The following CYP7B1 variants were observed in gnomAD, a reference collection of about 807,000 sequenced individuals.
CYP7B1 encodes cytochrome P450 7B1.
A neutral mutation model predicts 42.7 loss-of-function variants in CYP7B1; 29 were observed. The observed-to-expected ratio is 0.68, with a 90% CI of 0.51 to 0.93. The LOEUF (loss-of-function observed/expected upper bound fraction) is 0.93. CYP7B1 is among the 40% of genes least tolerant of loss of function. The pLI, the probability that CYP7B1 is intolerant of heterozygous loss-of-function variation, is 0.00. For missense variants in CYP7B1, 655 were observed against 600.5 expected, an observed-to-expected ratio of 1.09 and a Z score of -0.95; for synonymous variants, 235 against 218.2, an observed-to-expected ratio of 1.08 and a Z score of -0.68.
intron 2 of CYP7B1, among the ~76,000 whole-genome samples, chr8:64,623,705 A>G (rs935811611): frequency 1.3e-5 from 2 of 152,170 alleles, no homozygotes; most frequent in African/African-American, 4.8e-5. Context: ...CTGAAGTGCA[A>G]TGAAAGTTTT....
rs535598865 is a variant in CYP7B1, at chr8:64,592,688, T to C, written c.*3954A>G. Among the ~76,000 whole-genome samples, 7 of 152,368 alleles carry C rather than the reference T, an allele frequency of 4.6e-5. No homozygotes were observed. The highest frequency in any genetic ancestry group is 1.7e-4 in the African/African-American group (7 of 41,598). On this transcript the variant is annotated 3_prime_UTR_variant, in exon 6 of 6. Transcript: ENST00000310193. Reference sequence around the variant, plus strand: ...TGAAGTATCTTCATTAAACTTTGCATTGGTATATTGCATTATACCATAAAT... The same window carrying C: ...TGAAGTATCTTCATTAAACTTTGCACTGGTATATTGCATTATACCATAAAT...
At chr8:64,689,927 A>G (rs1165852837) in intron 1 of CYP7B1, among the ~76,000 whole-genome samples, 1 of 152,202 alleles carries the variant, frequency 6.6e-6, no homozygotes, top group Non-Finnish European at 1.5e-5. Flanking sequence ...AATTACAGCT[A>G]TGTAATTACT....
intron 1 of CYP7B1, among the ~76,000 whole-genome samples, chr8:64,746,357 C>T (rs1255031112): frequency 6.6e-6 from 1 of 152,116 alleles, no homozygotes; most frequent in Non-Finnish European, 1.5e-5. Context: ...TGTTTTACCA[C>T]AAGAAAAATC....
rs1347468747 is a variant in CYP7B1, at chr8:64,594,800, T to A, written c.*1842A>T. The stretch of plus-strand genomic sequence containing the variant: ...TGTAAGTTAGAGATACAAAGTGTGG[T>A]GAGAAAAGATCAAAGGATGTATGTA... On this transcript the variant is annotated 3_prime_UTR_variant, in exon 6 of 6. Transcript: ENST00000310193. Among the ~76,000 whole-genome samples the A allele has an allele frequency of 6.6e-6, 1 of 152,084 alleles. No individual in the cohort carries two copies. Among genetic ancestry groups the A allele is most frequent in the Non-Finnish European group, 1.5e-5 (1 of 68,016 alleles).
At chr8:64,693,980 T>C (rs1038530114) in intron 1 of CYP7B1, among the ~76,000 whole-genome samples, 13 of 152,176 alleles carry the variant, frequency 8.5e-5, no homozygotes, top group African/African-American at 3.1e-4. Context: ...CCCAGACCAG[T>C]GTGTTTAGCT....
At chr8:64,784,377 T>C (rs1031338046) in intron 1 of CYP7B1, among the ~76,000 whole-genome samples, 1 of 152,176 alleles carries the variant, frequency 6.6e-6, no homozygotes, top group Non-Finnish European at 1.5e-5. Flanking sequence ...TTTTCACTAG[T>C]TGAGAACTAC....
intron 1 of CYP7B1, among the ~76,000 whole-genome samples, chr8:64,694,304 A>C (rs1278747343): frequency 2.6e-5 from 4 of 152,244 alleles, no homozygotes; most frequent in African/African-American, 9.6e-5. Flanking sequence ...CCTTATTTTC[A>C]TTAAACCAAC....
chr8:64,643,096 T>TACACATATATATACATATATAC (rs1805883479), intron 1 of CYP7B1, among the ~76,000 whole-genome samples: 1 of 148,232 alleles, frequency 6.7e-6, no homozygotes, highest in Non-Finnish European at 1.5e-5. Flanking sequence ...TGTATATATA[T>TACACATATATATACATATATAC]ACACATATAT....
chr8:64,787,701 G>T (rs1001151714), intron 1 of CYP7B1, among the ~76,000 whole-genome samples: 6 of 152,048 alleles, frequency 3.9e-5, no homozygotes, highest in Non-Finnish European at 8.8e-5. Context: ...CCATATTTTT[G>T]GGAATCTGTA....
At chr8:64,687,077 A>G (rs1339952790) in intron 1 of CYP7B1, among the ~76,000 whole-genome samples, 1 of 148,650 alleles carries the variant, frequency 6.7e-6, no homozygotes, top group Non-Finnish European at 1.5e-5. Context: ...CTATTGTCCC[A>G]TGACCCTGCC....
chr8:64,777,996 G>T lies in CYP7B1; in HGVS notation c.122+20470C>A, dbSNP rs540684457. On this transcript the variant is annotated intron_variant, in intron 1 of 5. Coordinates refer to ENST00000310193, the MANE Select transcript of CYP7B1 (RefSeq NM_004820.5). ...TTCTTTTTAAAATTGTGGGTATTATGCCATATACTATTGCCTGCAAGTACA... is the reference window on the plus strand; with the variant it reads ...TTCTTTTTAAAATTGTGGGTATTATTCCATATACTATTGCCTGCAAGTACA... Among the ~76,000 whole-genome samples, 11 of 151,560 alleles carry T rather than the reference G, an allele frequency of 7.3e-5. No homozygotes were observed. The South Asian group carries it at 2.3e-3, about 32-fold the overall frequency.
intron 4 of CYP7B1, among the ~76,000 whole-genome samples, chr8:64,612,821 G>T (rs1805381856): frequency 6.6e-6 from 1 of 152,050 alleles, no homozygotes; most frequent in South Asian, 2.1e-4. Flanking sequence ...AGACAAGAAG[G>T]ATAAGCACAT....
At chr8:64,611,315 C>A (rs547905226) in intron 4 of CYP7B1, among the ~76,000 whole-genome samples, 2 of 152,270 alleles carry the variant, frequency 1.3e-5, no homozygotes, top group African/African-American at 4.8e-5. Context: ...AGAATTTTCT[C>A]ATCTGTGAAA....
intron 1 of CYP7B1, among the ~76,000 whole-genome samples, chr8:64,732,389 C>T (rs573552138): frequency 6.6e-6 from 1 of 152,258 alleles, no homozygotes; most frequent in South Asian, 2.1e-4. Flanking sequence ...AGCATGTGGC[C>T]TGTAGTCTCT....
In CYP7B1 at chr8:64,681,096, T is replaced by G. The variant is rs1374160081; in HGVS notation, c.123-56557A>C. Among the ~76,000 whole-genome samples, 2 of 152,220 alleles carry G rather than the reference T, an allele frequency of 1.3e-5. 1 individual carries two copies. Among genetic ancestry groups the G allele is most frequent in the South Asian group, 4.1e-4 (2 of 4,822 alleles). ...CAATCTGTGCCTTAAGTACAAGTTTTAAAATGTTTGTGGATGCAAATGAGT... is the reference window on the plus strand; with the variant it reads ...CAATCTGTGCCTTAAGTACAAGTTTGAAAATGTTTGTGGATGCAAATGAGT... On this transcript the variant is annotated intron_variant, in intron 1 of 5. Transcript: ENST00000310193.
intron 1 of CYP7B1, among the ~76,000 whole-genome samples, chr8:64,718,736 G>A (rs1048417798): frequency 3.9e-5 from 6 of 152,164 alleles, no homozygotes; most frequent in African/African-American, 1.2e-4. Context: ...CTAGGTCCCC[G>A]TAGAATGGCA....
At chr8:64,782,243 A>G (rs1554541468) in intron 1 of CYP7B1, among the ~76,000 whole-genome samples, 1 of 152,124 alleles carries the variant, frequency 6.6e-6, no homozygotes, top group Non-Finnish European at 1.5e-5. Flanking sequence ...TTTCTGCATC[A>G]CCCCAAGATT....
At chr8:64,786,350 T>C (rs979181522) in intron 1 of CYP7B1, among the ~76,000 whole-genome samples, 21 of 152,152 alleles carry the variant, frequency 1.4e-4, no homozygotes, top group Admixed American at 7.2e-4. Context: ...ACTTCCTAGA[T>C]ACAATGAAGC....
At chr8:64,718,102 T>C (rs1807184248) in intron 1 of CYP7B1, among the ~76,000 whole-genome samples, 1 of 152,014 alleles carries the variant, frequency 6.6e-6, no homozygotes, top group Admixed American at 6.6e-5. Flanking sequence ...TTATGTAATA[T>C]ATGTTGGTAT....
Sources: gnomAD v4.1 joint callset for allele counts (sites outside exome capture counted in the v4.1 genomes callset) on GRCh38, gnomAD v4.1.1 for gene constraint, MANE v1.5 for transcripts, NCBI Gene and HGNC (gene_info 2026-07-23, HGNC 2026-07-21) for gene names.